TNFAIP6: variants seen among roughly 807,000 people sequenced by gnomAD.
The protein encoded by TNFAIP6 is tumor necrosis factor-inducible gene 6 protein.
Under a neutral mutation model 33.7 loss-of-function variants are expected in TNFAIP6, and 36 were observed. The ratio of observed to expected loss-of-function variants is 1.07; its 90% CI spans 0.82 to 1.41. The LOEUF (loss-of-function observed/expected upper bound fraction) is 1.41. Ranked by LOEUF, TNFAIP6 falls within the 40% of genes most tolerant of loss-of-function variation. The pLI is 0.00. For synonymous variants in TNFAIP6, 113 were observed against 112.8 expected (o/e 1.00, Z -0.01); for missense variants, 273 against 331.9 (o/e 0.82, Z 1.38).
At chr2:151,374,467 T>A (rs546416753) in intron 5 of TNFAIP6, among the ~76,000 whole-genome samples, 2 of 152,352 alleles carry the variant, frequency 1.3e-5, no homozygotes, top group East Asian at 3.9e-4. Context: ...CATAAAACTA[T>A]CACAGTACTT....
intron 4 of TNFAIP6, among the ~76,000 whole-genome samples, chr2:151,373,295 A>C (rs1225059479): frequency 6.6e-6 from 1 of 152,208 alleles, no homozygotes; most frequent in South Asian, 2.1e-4. Context: ...AGCCTGAGCG[A>C]CAGAGCAAGA....
chr2:151,362,830 G>A (rs1366496630), intron 1 of TNFAIP6, among the ~76,000 whole-genome samples: 1 of 151,998 alleles, frequency 6.6e-6, no homozygotes, highest in African/African-American at 2.4e-5. Flanking sequence ...GCCCTCAATT[G>A]GATATTTTAG....
At chr2:151,373,527 T>C (rs1351876506) in intron 4 of TNFAIP6, 22 bp from the exon 5 acceptor site, 1 of 1,504,756 alleles carries the variant, frequency 6.6e-7, no homozygotes, top group Non-Finnish European at 9.0e-7. Flanking sequence ...GTGACATCTC[T>C]TTTCTAAAAA....
At chr2:151,364,353 A>C (rs2152013452) in intron 2 of TNFAIP6, among the ~76,000 whole-genome samples, 1 of 152,342 alleles carries the variant, frequency 6.6e-6, no homozygotes, top group South Asian at 2.1e-4. Context: ...AATATTATTT[A>C]AATTTCTCAT....
downstream of TNFAIP6, among the ~76,000 whole-genome samples, chr2:151,381,097 G>T (rs920425801): frequency 6.6e-6 from 1 of 152,050 alleles, no homozygotes; most frequent in African/African-American, 2.4e-5. Context: ...AGACTGGAAG[G>T]CCTCAGAAGC....
rs183007814 is a variant in TNFAIP6 at position 151,369,409 on chromosome 2, C to T, written c.395-611C>T. Among the ~76,000 whole-genome samples, 379 of 152,244 alleles carry T rather than the reference C, an allele frequency of 2.5e-3. 1 individual carries two copies. Among genetic ancestry groups the T allele is most frequent in the Middle Eastern group, 6.8e-3 (2 of 294 alleles). ...GGCTCATGAGATTCTTCTGCCTCAG[C>T]CTCCCAATTAGCTGGGACTAAGGGT... On this transcript the variant is annotated intron_variant, in intron 3 of 5. Transcript: ENST00000243347.
At chr2:151,362,750 G>T (rs1377246003) in intron 1 of TNFAIP6, among the ~76,000 whole-genome samples, 1 of 151,944 alleles carries the variant, frequency 6.6e-6, no homozygotes. Flanking sequence ...TCGGCCTCCC[G>T]AAGTGTTGGG....
At chr2:151,377,735 TTTTA>T (rs1684941371) in intron 5 of TNFAIP6, among the ~76,000 whole-genome samples, 1 of 152,214 alleles carries the variant, frequency 6.6e-6, no homozygotes, top group Non-Finnish European at 1.5e-5. Flanking sequence ...TCTTTCTCTT[TTTTA>T]TTTCTTTGTA....
intron 3 of TNFAIP6, among the ~76,000 whole-genome samples, chr2:151,366,503 G>A (rs959019715): frequency 1.3e-5 from 2 of 152,108 alleles, no homozygotes; most frequent in African/African-American, 2.4e-5. Context: ...CCCCAAATCA[G>A]GAGTCAATAA....
intron 5 of TNFAIP6, among the ~76,000 whole-genome samples, chr2:151,376,860 C>CTTTTT (rs1256047816): frequency 1.8e-5 from 2 of 113,362 alleles, no homozygotes; most frequent in East Asian, 2.6e-4. Flanking sequence ...ATTTCTTTTT[C>CTTTTT]TTTTCTTTTT....
chr2:151,374,709 C>T (rs191976768), intron 5 of TNFAIP6, among the ~76,000 whole-genome samples: 18 of 152,266 alleles, frequency 1.2e-4, no homozygotes, highest in African/African-American at 4.1e-4. Flanking sequence ...TAAATTAAAC[C>T]GTTTACTTAT....
chr2:151,370,070 C>T lies in TNFAIP6; in HGVS notation c.445C>T (p.Pro149Ser), dbSNP rs750435263. Residue 149 changes from proline to serine, a missense_variant, in exon 4 of 6, where the codon CCA becomes TCA. Coordinates refer to ENST00000243347, the MANE Select transcript of TNFAIP6 (RefSeq NM_007115.4). ...FTDPKQIFKSPGFPNEYEDNQ... is the reference protein window; with the variant it reads ...FTDPKQIFKSSGFPNEYEDNQ... ...AGATCCAAAGCAAATTTTTAAATCT[C>T]CAGGCTTCCCAAATGAGTACGAAGA... 6.2e-7 allele frequency: 1 copy of T among 1,613,982 alleles called. No homozygotes were observed. Among genetic ancestry groups the T allele is most frequent in the Admixed American group, 1.7e-5 (1 of 60,012 alleles).
At chr2:151,374,208 T>C (rs1558901319) in intron 5 of TNFAIP6, among the ~76,000 whole-genome samples, 1 of 152,148 alleles carries the variant, frequency 6.6e-6, no homozygotes, top group Non-Finnish European at 1.5e-5. Context: ...CCAGATATAA[T>C]AGGTAGTGCT....
chr2:151,373,756 A>AAAC (rs1684854122), intron 5 of TNFAIP6, 167 bp downstream of exon 5: 1 of 371,890 alleles, frequency 2.7e-6, no homozygotes, highest in African/African-American at 2.1e-5. Context: ...AAAAAAAAAA[A>AAAC]AAAATTAAAG....
intron 5 of TNFAIP6, among the ~76,000 whole-genome samples, chr2:151,376,865 C>CTTTTTTTTTTT (rs71403162): frequency 0.026 from 2,968 of 113,836 alleles, 1 homozygote; most frequent in Middle Eastern, 0.042. Context: ...TTTTTCTTTT[C>CTTTTTTTTTTT]TTTTTTTTTT....
At chr2:151,374,624 G>T (rs1021957533) in intron 5 of TNFAIP6, among the ~76,000 whole-genome samples, 3 of 152,130 alleles carry the variant, frequency 2.0e-5, no homozygotes, top group African/African-American at 7.2e-5. Flanking sequence ...TTCCTGCTCT[G>T]TTATCGAATG....
At chr2:151,370,491 C>T (rs1344337854) in intron 4 of TNFAIP6, among the ~76,000 whole-genome samples, 17 of 150,106 alleles carry the variant, frequency 1.1e-4, no homozygotes, top group Admixed American at 1.1e-3. Flanking sequence ...ATTTTATAAA[C>T]ACCTCAAGAT....
intron 5 of TNFAIP6, among the ~76,000 whole-genome samples, chr2:151,377,448 C>T (rs555675898): frequency 2.7e-5 from 4 of 150,746 alleles, no homozygotes; most frequent in East Asian, 2.0e-4. Context: ...GGATTACAGG[C>T]GTGAGCCACC....
At chr2:151,365,781 C>T (rs1684698220) in intron 2 of TNFAIP6, among the ~76,000 whole-genome samples, 1 of 152,038 alleles carries the variant, frequency 6.6e-6, no homozygotes, top group African/African-American at 2.4e-5. Flanking sequence ...GAAAAGAAGC[C>T]AGCTCTGAAC....
Sources: allele counts gnomAD v4.1 joint callset (sites outside exome capture counted in the v4.1 genomes callset), GRCh38; gene constraint gnomAD v4.1.1; transcripts MANE v1.5; gene names NCBI Gene and HGNC (gene_info 2026-07-23, HGNC 2026-07-21).